The following TOX variants were observed in gnomAD, a reference collection of about 807,000 sequenced individuals.
The protein encoded by TOX is thymocyte selection associated high mobility group box.
A neutral mutation model predicts 53.7 loss-of-function variants in TOX; 11 were observed. That is an observed-to-expected ratio of 0.20 (90% confidence interval 0.13 to 0.34). TOX has a LOEUF of 0.34. Ranked by LOEUF, TOX falls within the 10% of genes least tolerant of loss-of-function variation. TOX has a pLI of 1.00. For synonymous variants in TOX, 225 were observed against 245.3 expected, an observed-to-expected ratio of 0.92 and a Z score of 0.77; for missense variants, 570 against 664.6, an observed-to-expected ratio of 0.86 and a Z score of 1.56.
chr8:58,876,140 T>A (rs1487143665), intron 3 of TOX, among the ~76,000 whole-genome samples: 1 of 152,070 alleles, frequency 6.6e-6, no homozygotes, highest in Non-Finnish European at 1.5e-5. Flanking sequence ...ACAAAATACA[T>A]GTTAGTGTAC....
chr8:59,052,255 T>C (rs866949669), intron 1 of TOX, among the ~76,000 whole-genome samples: 1 of 152,320 alleles, frequency 6.6e-6, no homozygotes, highest in South Asian at 2.1e-4. Context: ...AAACTTACAA[T>C]CATGCCAAAA....
intron 1 of TOX, among the ~76,000 whole-genome samples, chr8:59,004,562 T>C (rs1813752074): frequency 6.6e-6 from 1 of 152,154 alleles, no homozygotes; most frequent in Non-Finnish European, 1.5e-5. Flanking sequence ...GGAAAAAAGG[T>C]TTTATTCGAT....
intron 2 of TOX, among the ~76,000 whole-genome samples, chr8:58,943,868 C>T (rs1255312280): frequency 6.6e-6 from 1 of 152,142 alleles, no homozygotes; most frequent in African/African-American, 2.4e-5. Flanking sequence ...CAGCAATGAC[C>T]ATCTTACACA....
At chr8:58,831,180 C>T (rs118167016) in intron 5 of TOX, among the ~76,000 whole-genome samples, 151 of 152,198 alleles carry the variant, frequency 9.9e-4, no homozygotes, top group Non-Finnish European at 1.9e-3. Flanking sequence ...ACCGGTTTGA[C>T]CTGTTTCTGG....
chr8:58,880,740 G>A (rs990924195), intron 3 of TOX, among the ~76,000 whole-genome samples: 2 of 152,282 alleles, frequency 1.3e-5, no homozygotes, highest in African/African-American at 4.8e-5. Context: ...TGTCTTTGAA[G>A]CTTATAAATA....
Position 58,815,500 on chromosome 8 carries a change from T to C in TOX, c.1230A>G (p.Ile410Met). Residue 410 changes from isoleucine to methionine, a missense_variant, in exon 7 of 9, where the codon ATA becomes ATG. Coordinates refer to ENST00000361421, the MANE Select transcript of TOX (RefSeq NM_014729.3). ...GAGGAGGGGACACAGCCATGTTTGC[T>C]ATAGAGACAGTCACTGGCATTTGGT... ...PNNQMPVTVS[I>M]ANMAVSPPPP... 1.2e-6 allele frequency: 2 copies of C among 1,614,022 alleles called. No individual in the cohort carries two copies. Among genetic ancestry groups the C allele is most frequent in the East Asian group, 4.5e-5 (2 of 44,850 alleles).
At chr8:59,110,920 G>T (rs1018648737) in intron 1 of TOX, among the ~76,000 whole-genome samples, 1 of 152,098 alleles carries the variant, frequency 6.6e-6, no homozygotes, top group Non-Finnish European at 1.5e-5. Context: ...TGGAAGAAAT[G>T]GGCTGAGAAT....
At chr8:59,100,495 C>T (rs1395105342) in intron 1 of TOX, among the ~76,000 whole-genome samples, 1 of 152,090 alleles carries the variant, frequency 6.6e-6, no homozygotes, top group East Asian at 1.9e-4. Context: ...TATATTTCAG[C>T]CCATATAATA....
At chr8:58,841,207 G>A (rs1472875882) in intron 4 of TOX, among the ~76,000 whole-genome samples, 6 of 152,114 alleles carry the variant, frequency 3.9e-5, no homozygotes, top group Non-Finnish European at 7.4e-5. Context: ...CTTAAGTCAA[G>A]CTTATTTAGC....
chr8:58,893,721 T>A (rs1195763131), intron 3 of TOX, among the ~76,000 whole-genome samples: 1 of 152,228 alleles, frequency 6.6e-6, no homozygotes, highest in Non-Finnish European at 1.5e-5. Context: ...AGACCTAAGT[T>A]GACTTTACAT....
At chr8:59,067,868 T>C (rs1352294880) in intron 1 of TOX, among the ~76,000 whole-genome samples, 1 of 152,228 alleles carries the variant, frequency 6.6e-6, no homozygotes, top group East Asian at 1.9e-4. Context: ...GGCAGTTCTC[T>C]CCTACCTTCT....
chr8:59,002,374 C>G (rs1434165230), intron 1 of TOX, among the ~76,000 whole-genome samples: 2 of 151,222 alleles, frequency 1.3e-5, no homozygotes, highest in African/African-American at 2.4e-5. Context: ...GGGCGGATCA[C>G]GAGGTCAGGA....
At chr8:58,978,203 G>A (rs925592609) in intron 1 of TOX, among the ~76,000 whole-genome samples, 2 of 151,920 alleles carry the variant, frequency 1.3e-5, no homozygotes, top group Non-Finnish European at 2.9e-5. Flanking sequence ...ATCTGCCTGG[G>A]ATCTTAGATA....
chr8:58,824,106 G>A (rs897607004), intron 6 of TOX, among the ~76,000 whole-genome samples: 13 of 152,076 alleles, frequency 8.5e-5, no homozygotes, highest in Middle Eastern at 3.2e-3. Flanking sequence ...TTAGGAGTGC[G>A]GGAGAGCACA....
At chr8:58,833,602 G>T (rs187770265) in intron 5 of TOX, among the ~76,000 whole-genome samples, 16 of 152,172 alleles carry the variant, frequency 1.1e-4, no homozygotes, top group African/African-American at 3.1e-4. Flanking sequence ...TTCTCTGCAG[G>T]TTCCAGTCCG....
chr8:59,061,900 C>T (rs755887873), intron 1 of TOX, among the ~76,000 whole-genome samples: 103 of 152,088 alleles, frequency 6.8e-4, no homozygotes, highest in Non-Finnish European at 1.2e-3. Flanking sequence ...CCTCCATCTT[C>T]TTTCTTGGCG....
intron 1 of TOX, among the ~76,000 whole-genome samples, chr8:59,030,605 G>A (rs1426495125): frequency 6.6e-6 from 1 of 152,164 alleles, no homozygotes; most frequent in African/African-American, 2.4e-5. Flanking sequence ...TTCCAGGCAG[G>A]TTGAAGGTCA....
chr8:59,036,684 A>G (rs1814465184), intron 1 of TOX, among the ~76,000 whole-genome samples: 1 of 152,206 alleles, frequency 6.6e-6, no homozygotes, highest in Non-Finnish European at 1.5e-5. Flanking sequence ...ATCTTTTTCT[A>G]TAGTATCAGT....
At chr8:59,078,445 G>T (rs140676875) in intron 1 of TOX, among the ~76,000 whole-genome samples, 134 of 152,230 alleles carry the variant, frequency 8.8e-4, no homozygotes, top group African/African-American at 3.1e-3. Context: ...ATTTAAAAGG[G>T]CGTGGCACTT....
Sources: gnomAD v4.1 joint callset for allele counts (sites outside exome capture counted in the v4.1 genomes callset) on GRCh38, gnomAD v4.1.1 for gene constraint, MANE v1.5 for transcripts, NCBI Gene and HGNC (gene_info 2026-07-23, HGNC 2026-07-21) for gene names.